Variants in LRMDA observed in about 807,000 individuals in gnomAD.
LRMDA encodes leucine-rich melanocyte differentiation-associated protein.
A neutral mutation model predicts 29.8 loss-of-function variants in LRMDA; 18 were observed. The observed-to-expected ratio is 0.60, with a 90% CI of 0.42 to 0.90. LRMDA has a LOEUF of 0.90. Among genes scored for constraint, LRMDA ranks in the 40% least tolerant of loss-of-function variants. The pLI is 0.00. For synonymous variants in LRMDA, 125 were observed against 109.4 expected, an observed-to-expected ratio of 1.14 and a Z score of -0.89; for missense variants, 273 against 273.9, an observed-to-expected ratio of 1.00 and a Z score of 0.02.
At chr10:76,192,804 C>G (rs1589370581) in intron 5 of LRMDA, among the ~76,000 whole-genome samples, 1 of 152,254 alleles carries the variant, frequency 6.6e-6, no homozygotes, top group African/African-American at 2.4e-5. Context: ...AATGGGCGTG[C>G]TCTCTCTAGT....
intron 2 of LRMDA, among the ~76,000 whole-genome samples, chr10:75,622,078 G>A (rs1589137854): frequency 1.3e-5 from 2 of 152,148 alleles, no homozygotes; most frequent in South Asian, 2.1e-4. Context: ...CAGCTCAGGC[G>A]CAATTCACCT....
intron 5 of LRMDA, among the ~76,000 whole-genome samples, chr10:76,276,221 G>A (rs1364213096): frequency 2.0e-5 from 3 of 152,016 alleles, no homozygotes; most frequent in Admixed American, 2.0e-4. Context: ...GCTAACTGTA[G>A]CCTTGAACTC....
chr10:75,432,536 A>G (rs192527097), intron 1 of LRMDA, among the ~76,000 whole-genome samples: 292 of 152,360 alleles, frequency 1.9e-3, no homozygotes, highest in Non-Finnish European at 3.4e-3. Context: ...TGGAAAAGCC[A>G]GTTCTCTGTC....
At chr10:75,756,168 A>G (rs1843029839) in intron 2 of LRMDA, among the ~76,000 whole-genome samples, 1 of 152,220 alleles carries the variant, frequency 6.6e-6, no homozygotes, top group South Asian at 2.1e-4. Context: ...TTTCATTGAC[A>G]AAATCCTTGG....
intron 5 of LRMDA, among the ~76,000 whole-genome samples, chr10:76,157,390 T>C (rs1156824355): frequency 2.0e-5 from 3 of 152,098 alleles, no homozygotes; most frequent in African/African-American, 7.2e-5. Flanking sequence ...GTCAGGAAGA[T>C]CACTTGAGGC....
intron 6 of LRMDA, among the ~76,000 whole-genome samples, chr10:76,336,260 A>G (rs1295860131): frequency 3.9e-5 from 6 of 152,206 alleles, no homozygotes; most frequent in Admixed American, 2.6e-4. Flanking sequence ...CAGCTTTTTC[A>G]TAAAATGAAA....
chr10:75,722,025 G>A (rs75458209), intron 2 of LRMDA, among the ~76,000 whole-genome samples: 9,207 of 152,008 alleles, frequency 0.061, 365 homozygotes, highest in Non-Finnish European at 0.092. Context: ...GTGAGGTGAC[G>A]GCAAGATTAT....
rs35660494 is a variant in LRMDA at position 75,541,402 on chromosome 10, CTT to C, written c.131+102926_131+102927del. On this transcript the variant is annotated intron_variant, in intron 2 of 6. Coordinates refer to ENST00000611255, the MANE Select transcript of LRMDA (RefSeq NM_001305581.2). ...ATACTCCACAAATCTTCCCCACAAA[CTT>C]TTTTTTTTTTTTTTTTTAAGCAGAG... Among the ~76,000 whole-genome samples the C allele has an allele frequency of 8.1e-3, 1,110 of 136,812 alleles. 9 individuals are homozygous for C. The highest frequency in any genetic ancestry group is 0.021 in the African/African-American group (758 of 36,632). 89.8% of individuals were successfully genotyped at this position (136,812 alleles called of 152,430 possible). A position where few individuals can be genotyped will look rare whatever the true frequency, so the allele number is the denominator to read the frequency against.
chr10:76,540,728 C>T (rs1479825426), intron 6 of LRMDA, among the ~76,000 whole-genome samples: 3 of 152,280 alleles, frequency 2.0e-5, no homozygotes, highest in East Asian at 3.9e-4. Context: ...AGAGTACATC[C>T]TGGGTTGCCT....
intron 2 of LRMDA, among the ~76,000 whole-genome samples, chr10:75,524,408 G>C (rs761219008): frequency 3.3e-5 from 5 of 152,064 alleles, no homozygotes; most frequent in Non-Finnish European, 7.4e-5. Context: ...CTGTATAATG[G>C]GGGACCAATA....
intron 6 of LRMDA, among the ~76,000 whole-genome samples, chr10:76,413,076 C>T (rs958164420): frequency 1.3e-5 from 2 of 152,158 alleles, no homozygotes; most frequent in Non-Finnish European, 2.9e-5. Context: ...TTATGCCACT[C>T]TCTCGATGCT....
chr10:76,265,225 T>C (rs1288398832), intron 5 of LRMDA, among the ~76,000 whole-genome samples: 2 of 152,206 alleles, frequency 1.3e-5, no homozygotes, highest in African/African-American at 2.4e-5. Context: ...CTGTACCTTA[T>C]TCATGTTTCT....
chr10:75,903,495 T>C (rs1845709418), intron 2 of LRMDA, among the ~76,000 whole-genome samples: 1 of 152,248 alleles, frequency 6.6e-6, no homozygotes, highest in South Asian at 2.1e-4. Context: ...CATTATTGGA[T>C]AAATTACCAC....
chr10:75,609,811 C>G (rs1036746403), intron 2 of LRMDA, among the ~76,000 whole-genome samples: 1 of 152,120 alleles, frequency 6.6e-6, no homozygotes, highest in Non-Finnish European at 1.5e-5. Context: ...CACAGTCACC[C>G]TTTTTGCCCA....
In LRMDA at chr10:76,334,247, C is replaced by T. The variant is rs998107816; in HGVS notation, c.601+9762C>T. Among the ~76,000 whole-genome samples the T allele has an allele frequency of 4.6e-5, 7 of 152,332 alleles. No individual in the cohort carries two copies. The Middle Eastern group carries it at 0.01, about 224-fold the overall frequency. On this transcript the variant is annotated intron_variant, in intron 6 of 6. Coordinates refer to ENST00000611255, the MANE Select transcript of LRMDA (RefSeq NM_001305581.2). Reference sequence around the variant, plus strand: ...GGTCTAAATTGTTCAGCCGTGAGCTCGGCCCAGTATTAACTTCCTAGTCCC... The same window carrying T: ...GGTCTAAATTGTTCAGCCGTGAGCTTGGCCCAGTATTAACTTCCTAGTCCC...
At chr10:75,646,879 A>C (rs754500799) in intron 2 of LRMDA, among the ~76,000 whole-genome samples, 2 of 152,210 alleles carry the variant, frequency 1.3e-5, no homozygotes, top group Non-Finnish European at 2.9e-5. Context: ...GTTGTCAAGG[A>C]AAGAAGTGTA....
chr10:76,457,951 T>C (rs1349616918), intron 6 of LRMDA, among the ~76,000 whole-genome samples: 2 of 152,146 alleles, frequency 1.3e-5, no homozygotes, highest in Non-Finnish European at 2.9e-5. Flanking sequence ...CTAGACTTAA[T>C]ATGCCAGGAG....
intron 2 of LRMDA, among the ~76,000 whole-genome samples, chr10:75,538,840 C>T (rs1204392194): frequency 6.6e-6 from 1 of 152,170 alleles, no homozygotes; most frequent in African/African-American, 2.4e-5. Flanking sequence ...GTTTTATAAA[C>T]ATCCCCAGGC....
chr10:75,892,760 T>C (rs1845515204), intron 2 of LRMDA, among the ~76,000 whole-genome samples: 1 of 152,190 alleles, frequency 6.6e-6, no homozygotes, highest in Admixed American at 6.5e-5. Context: ...TCACTGGTCC[T>C]GGGTTGGTTC....
Sources: allele counts gnomAD v4.1 joint callset (sites outside exome capture counted in the v4.1 genomes callset), GRCh38; gene constraint gnomAD v4.1.1; transcripts MANE v1.5; gene names NCBI Gene and HGNC (gene_info 2026-07-23, HGNC 2026-07-21).